The following ASIC5 variants were observed in gnomAD, a reference collection of about 807,000 sequenced individuals.
ASIC5 encodes the protein acid sensing ion channel subunit family member 5.
A neutral mutation model predicts 51.2 loss-of-function variants in ASIC5; 52 were observed. The ratio of observed to expected loss-of-function variants is 1.02; its 90% CI spans 0.81 to 1.28. The LOEUF (loss-of-function observed/expected upper bound fraction) is 1.28. Ranked by LOEUF, ASIC5 falls within the 50% of genes most tolerant of loss-of-function variation. The pLI, the probability that ASIC5 is intolerant of heterozygous loss-of-function variation, is 0.00. For missense variants in ASIC5, 635 were observed against 595.0 expected (o/e 1.07, Z -0.70); for synonymous variants, 231 against 200.7 (o/e 1.15, Z -1.28).
At chr4:155,865,083 C>G (rs182674810) in intron 1 of ASIC5, 138 of 151,966 alleles carry the variant, frequency 9.1e-4, no homozygotes, top group African/African-American at 3.1e-3. Flanking sequence ...AGGACATATG[C>G]TATAAAAAGG....
intron 7 of ASIC5, among the ~76,000 whole-genome samples, chr4:155,837,545 G>A (rs28697166): frequency 0.012 from 1,849 of 152,168 alleles, 46 homozygotes; most frequent in African/African-American, 0.042. Context: ...AGATACTCAG[G>A]TTCTTGTTTT....
At chr4:155,841,155 G>C (rs1254843561) in intron 6 of ASIC5, among the ~76,000 whole-genome samples, 2 of 152,094 alleles carry the variant, frequency 1.3e-5, no homozygotes, top group Non-Finnish European at 2.9e-5. Flanking sequence ...TTTCTCTATT[G>C]CAATTCCTTT....
chr4:155,859,286 T>A (rs755606498), intron 2 of ASIC5, among the ~76,000 whole-genome samples: 1 of 152,098 alleles, frequency 6.6e-6, no homozygotes, highest in Non-Finnish European at 1.5e-5. Flanking sequence ...TTCTTATTTT[T>A]GTATTGTTTA....
At chr4:155,830,499 C>T (rs1469906039) in intron 9 of ASIC5, among the ~76,000 whole-genome samples, 1 of 152,076 alleles carries the variant, frequency 6.6e-6, no homozygotes, top group Non-Finnish European at 1.5e-5. Flanking sequence ...ATAATATTTC[C>T]TTTAACCAAA....
intron 4 of ASIC5, among the ~76,000 whole-genome samples, chr4:155,849,355 T>C (rs1741326925): frequency 6.6e-6 from 1 of 152,140 alleles, no homozygotes; most frequent in Admixed American, 6.6e-5. Flanking sequence ...GCTCGGCTTT[T>C]AAAAAGTCTT....
chr4:155,834,138 A>G (rs1479023960), intron 8 of ASIC5, among the ~76,000 whole-genome samples: 1 of 152,174 alleles, frequency 6.6e-6, no homozygotes. Flanking sequence ...CTAACGTCAG[A>G]CACAATTTAC....
At chr4:155,849,655 T>C (rs1267809382) in intron 4 of ASIC5, among the ~76,000 whole-genome samples, 1 of 152,088 alleles carries the variant, frequency 6.6e-6, no homozygotes, top group Non-Finnish European at 1.5e-5. Flanking sequence ...TTCTACAGTT[T>C]GGACCAAATT....
chr4:155,862,257 T>A (rs1741727267), intron 2 of ASIC5, among the ~76,000 whole-genome samples: 1 of 152,080 alleles, frequency 6.6e-6, no homozygotes, highest in Non-Finnish European at 1.5e-5. Context: ...TTGATACATA[T>A]CTTGAGTTCT....
Position 155,866,191 on chromosome 4 carries a change from C to T in ASIC5, c.36G>A (p.Glu12=). 2 of 1,604,560 alleles carry T rather than the reference C, an allele frequency of 1.2e-6. No individual in the cohort carries two copies. Among genetic ancestry groups the T allele is most frequent in the East Asian group, 2.2e-5 (1 of 44,704 alleles). ...EQTEKSKVYA[E]NGLLEKIKLC... is the part of the protein sequence containing the mutation. ...AGGAGTTCACTCTTTACTCACCGTT[C>T]TCAGCATATACTTTTGATTTTTCTG... The change falls in exon 1 of 10, where the codon GAG becomes GAA. Residue 12 remains glutamate (E), a synonymous_variant. Transcript: ENST00000537611.
intron 4 of ASIC5, among the ~76,000 whole-genome samples, chr4:155,845,352 T>TG (rs199520552): frequency 5.3e-4 from 27 of 51,236 alleles, no homozygotes; most frequent in Admixed American, 8.4e-4. Context: ...CAGGTTTTTG[T>TG]GGGTTTTTTT....
intron 7 of ASIC5, among the ~76,000 whole-genome samples, chr4:155,838,362 T>C (rs146922876): frequency 8.1e-4 from 124 of 152,272 alleles, no homozygotes; most frequent in African/African-American, 2.9e-3. Flanking sequence ...ATATGGCATG[T>C]ACAGTTATAA....
At chr4:155,855,046 C>T (rs1741494940) in intron 2 of ASIC5, among the ~76,000 whole-genome samples, 1 of 152,058 alleles carries the variant, frequency 6.6e-6, no homozygotes, top group African/African-American at 2.4e-5. Context: ...AGGCGAAAGA[C>T]TTACAAAGAC....
chr4:155,864,234 A>G (rs1186950927), intron 1 of ASIC5, among the ~76,000 whole-genome samples: 1 of 152,194 alleles, frequency 6.6e-6, no homozygotes. Context: ...TGGTAAATGT[A>G]ACTTTCATTC....
chr4:155,829,889 A>T lies in ASIC5; in HGVS notation c.1485T>A (p.His495Gln). The T allele has an allele frequency of 6.3e-7, 1 of 1,597,028 alleles. No homozygotes were observed. The highest frequency in any genetic ancestry group is 8.5e-7 in the Non-Finnish European group (1 of 1,173,910). The stretch of plus-strand genomic sequence containing the variant: ...CCTCTATCCTATTTTTATTTCCCAG[A>T]TGATTCTGAGGTGGAGGAGTCCACT... ...MTQWTPPPQN[H>Q]LGNKNRIEEC The change falls in exon 10 of 10, where the codon CAT (histidine) becomes CAA (glutamine). Residue 495 changes from histidine to glutamine, a missense_variant. His to Gln is a conservative substitution (Grantham distance 24). Coordinates refer to ENST00000537611, the MANE Select transcript of ASIC5 (RefSeq NM_017419.3).
chr4:155,862,785 T>A (rs1741746412), intron 2 of ASIC5, among the ~76,000 whole-genome samples: 1 of 152,166 alleles, frequency 6.6e-6, no homozygotes, highest in Non-Finnish European at 1.5e-5. Context: ...GCTCATCATA[T>A]GTACACCAGA....
At chr4:155,844,243 C>T (rs76740524) in intron 4 of ASIC5, among the ~76,000 whole-genome samples, 1,643 of 152,100 alleles carry the variant, frequency 0.011, 32 homozygotes, top group African/African-American at 0.037. Context: ...GAACTCTTTC[C>T]TCCAGGGATC....
At chr4:155,833,384 G>C (rs1740912394) in intron 8 of ASIC5, among the ~76,000 whole-genome samples, 1 of 152,050 alleles carries the variant, frequency 6.6e-6, no homozygotes, top group Non-Finnish European at 1.5e-5. Flanking sequence ...AAAGAACATG[G>C]CTGTAAATCA....
intron 4 of ASIC5, among the ~76,000 whole-genome samples, chr4:155,849,633 A>G (rs1741333143): frequency 6.6e-6 from 1 of 152,016 alleles, no homozygotes; most frequent in Non-Finnish European, 1.5e-5. Context: ...GTGTTTTTCA[A>G]TTTTTATTAT....
At chr4:155,836,613 G>T in intron 8 of ASIC5, 76 bp downstream of exon 8, 1 of 863,934 alleles carries the variant, frequency 1.2e-6, no homozygotes, top group Non-Finnish European at 1.7e-6. Context: ...TTCATTTCCT[G>T]AGTCTTTGAG....
Sources: allele counts gnomAD v4.1 joint callset (sites outside exome capture counted in the v4.1 genomes callset), GRCh38; gene constraint gnomAD v4.1.1; transcripts MANE v1.5; gene names NCBI Gene and HGNC (gene_info 2026-07-23, HGNC 2026-07-21).